Variants in LRP8 observed in about 807,000 individuals in gnomAD.
LRP8 encodes LDL receptor related protein 8.
Under a neutral mutation model 111.6 loss-of-function variants are expected in LRP8, and 46 were observed. That is an observed-to-expected ratio of 0.41 (90% CI 0.33 to 0.53). The LOEUF (loss-of-function observed/expected upper bound fraction) is 0.53, where lower values mean the gene tolerates loss of function less well. Among genes scored for constraint, LRP8 ranks in the 20% least tolerant of loss-of-function variants. The pLI, the probability that LRP8 is intolerant of heterozygous loss-of-function variation, is 0.20. For synonymous variants in LRP8, 464 were observed against 511.2 expected, an observed-to-expected ratio of 0.91 and a Z score of 1.24; for missense variants, 959 against 1,297.4, an observed-to-expected ratio of 0.74 and a Z score of 4.01.
intron 2 of LRP8, among the ~76,000 whole-genome samples, chr1:53,316,351 G>A (rs1653796074): frequency 6.6e-6 from 1 of 152,182 alleles, no homozygotes; most frequent in African/African-American, 2.4e-5. Context: ...TGTTGCATAG[G>A]CAGCTGATGT....
chr1:53,316,569 C>T (rs1653835707), intron 2 of LRP8, among the ~76,000 whole-genome samples: 1 of 152,202 alleles, frequency 6.6e-6, no homozygotes, highest in Non-Finnish European at 1.5e-5. Flanking sequence ...CCTCAGAGAA[C>T]AGGGCCAGCT....
rs972817215 is a variant in LRP8, at chr1:53,294,314, G to C, written c.245-4625C>G. ...GACTAGGGGATTCTAGGGGCAGTGA[G>C]GAGGGGCTGACCCCAGGGTAGAGTA... On this transcript the variant is annotated intron_variant, in intron 2 of 18. Coordinates refer to ENST00000306052, the MANE Select transcript of LRP8 (RefSeq NM_004631.5). The surrounding 1 kb of genome is among the most constrained non-coding windows in gnomAD (Gnocchi z 4.1). Among the ~76,000 whole-genome samples the C allele has an allele frequency of 5.3e-5, 8 of 152,364 alleles. No homozygotes were observed. In the East Asian group the frequency reaches 1.5e-3, roughly 29 times the overall value.
At chr1:53,283,146 C>G (rs1423875837) in intron 3 of LRP8, among the ~76,000 whole-genome samples, 7 of 152,124 alleles carry the variant, frequency 4.6e-5, no homozygotes, top group African/African-American at 1.4e-4. Context: ...CATAACAGTA[C>G]AGCTCTCTTT....
intron 2 of LRP8, among the ~76,000 whole-genome samples, chr1:53,308,834 C>A (rs1475918165): frequency 6.6e-6 from 1 of 152,218 alleles, no homozygotes; most frequent in South Asian, 2.1e-4. Context: ...CTGGCTAACA[C>A]GTGGACCTTG....
rs1356455036 is a variant in LRP8, at chr1:53,294,248, T to C, written c.245-4559A>G. 6.6e-6 allele frequency among the ~76,000 whole-genome samples: 1 copy of C among 152,110 alleles called. No individual in the cohort carries two copies. The highest frequency in any genetic ancestry group is 1.5e-5 in the Non-Finnish European group (1 of 68,026). ...ACATAGTCAACCAGGGTCTGCGACA[T>C]CATAATCTGGTGCCATGGCAACAGA... On this transcript the variant is annotated intron_variant, in intron 2 of 18. Transcript: ENST00000306052. This position sits in a 1 kb window ranked among gnomAD's most constrained non-coding sequence, Gnocchi z 4.1.
At chr1:53,274,823 G>T (rs772737990) in intron 6 of LRP8, 3 of 456,212 alleles carry the variant, frequency 6.6e-6, no homozygotes, top group Non-Finnish European at 1.3e-5. Context: ...GGGTGACTCT[G>T]TTGGGCCGGA....
rs1434255377 is a variant in LRP8, at chr1:53,327,817, T to C, written c.96A>G (p.Ala32=). 6.0e-6 allele frequency: 9 copies of C among 1,510,974 alleles called. No individual in the cohort carries two copies. Among genetic ancestry groups the C allele is most frequent in the Non-Finnish European group, 7.9e-6 (9 of 1,135,610 alleles). The allele number at this position is 1,510,974 out of a possible 1,614,324, so 93.6% of individuals were successfully genotyped here. Reference sequence around the variant, plus strand: ...GGCCGCCGAGCAGCGGATCAGCCGCTGCCGCCGCAAGATGCTGGAGCTGCA... The same window carrying C: ...GGCCGCCGAGCAGCGGATCAGCCGCCGCCGCCGCAAGATGCTGGAGCTGCA... ...LLLQLQHLAA[A]AADPLLGGQG... Residue 32 remains alanine, a synonymous_variant, in exon 1 of 19, where the codon GCA becomes GCG. Coordinates refer to ENST00000306052, the MANE Select transcript of LRP8 (RefSeq NM_004631.5).
In LRP8 at chr1:53,276,710, A is replaced by G; in HGVS notation, c.865T>C (p.Ser289Pro). ...CDGDRDCKDK[S>P]DEADCPLGTC... ...GGCTTACGGCAGTCGGCCTCGTCCGATTTGTCTTTGCAGTCGCGGTCGCCG... is the reference window on the plus strand; with the variant it reads ...GGCTTACGGCAGTCGGCCTCGTCCGGTTTGTCTTTGCAGTCGCGGTCGCCG... The change falls in exon 5 of 19, where the codon TCG becomes CCG. Residue 289 changes from serine to proline, a missense_variant. Physicochemically the swap from Ser to Pro is moderately conservative, Grantham distance 74. Coordinates refer to ENST00000306052, the MANE Select transcript of LRP8 (RefSeq NM_004631.5). 6.5e-7 allele frequency: 1 copy of G among 1,538,686 alleles called. No homozygotes were observed. The highest frequency in any genetic ancestry group is 2.5e-5 in the East Asian group (1 of 39,618).
chr1:53,270,073 G>A (rs1646714128), intron 8 of LRP8, among the ~76,000 whole-genome samples: 2 of 152,208 alleles, frequency 1.3e-5, no homozygotes, highest in Non-Finnish European at 2.9e-5. Context: ...GCTCTATACA[G>A]TGTCTGTGTG....
intron 2 of LRP8, among the ~76,000 whole-genome samples, chr1:53,323,090 G>A (rs1654722664): frequency 6.6e-6 from 1 of 152,184 alleles, no homozygotes; most frequent in Non-Finnish European, 1.5e-5. Context: ...AGGAAGCGAG[G>A]TGGAGTAGCC....
intron 2 of LRP8, among the ~76,000 whole-genome samples, chr1:53,312,761 G>T (rs767680743): frequency 6.6e-6 from 1 of 152,140 alleles, no homozygotes; most frequent in Admixed American, 6.5e-5. Context: ...CCAGGGCTTG[G>T]GGGCTCAGCT....
chr1:53,262,114 G>T lies in LRP8; in HGVS notation c.1868C>A (p.Ser623Tyr). 6.2e-7 allele frequency: 1 copy of T among 1,614,180 alleles called. No individual in the cohort carries two copies. The highest frequency in any genetic ancestry group is 1.1e-5 in the South Asian group (1 of 91,080). The change falls in exon 12 of 19, where the codon TCC becomes TAC. Residue 623 changes from serine (S) to tyrosine (Y), a missense_variant. Ser to Tyr is a moderately radical substitution (Grantham distance 144). Around this residue, in one of 3 missense-constraint regions of LRP8, gnomAD observed 819 missense variants for 1,097.6 expected, o/e 0.75. Coordinates refer to ENST00000306052, the MANE Select transcript of LRP8 (RefSeq NM_004631.5). This position sits in a 1 kb window ranked among gnomAD's most constrained non-coding sequence, Gnocchi z 4.8. The stretch of plus-strand genomic sequence containing the variant: ...AGGGTGGCTCAGGAAGTCAGTGGAG[G>T]AGATCAGCGTCTTTCTGTTGCCTCC... ...FSGGNRKTLISSTDFLSHPFG... is the reference protein window; with the variant it reads ...FSGGNRKTLIYSTDFLSHPFG...
In LRP8 at chr1:53,314,517, C is replaced by T. The variant is rs142004837; in HGVS notation, c.244+12356G>A. 2.8e-3 allele frequency among the ~76,000 whole-genome samples: 421 copies of T among 152,276 alleles called. 6 individuals are homozygous for T. The highest frequency in any genetic ancestry group is 9.5e-3 in the African/African-American group (394 of 41,546). ...AGGAAGGGACATGGGGCAGGCTTGCCGTGAAGGTGGGGGCAGACTCTGTAA... is the reference window on the plus strand; with the variant it reads ...AGGAAGGGACATGGGGCAGGCTTGCTGTGAAGGTGGGGGCAGACTCTGTAA... On this transcript the variant is annotated intron_variant, in intron 2 of 18. Coordinates refer to ENST00000306052, the MANE Select transcript of LRP8 (RefSeq NM_004631.5).
rs2100319783 is a variant in LRP8 at position 53,242,605 on chromosome 1, A to G, written c.*4413T>C. On this transcript the variant is annotated 3_prime_UTR_variant, in exon 19 of 19. Transcript: ENST00000306052. ...TCAGTTAGTGTGACACAACATTCTA[A>G]CATGCCTGATTCTTACATCAAATAT... The G allele has an allele frequency of 6.6e-6, 1 of 152,300 alleles. No individual in the cohort carries two copies. The highest frequency in any genetic ancestry group is 2.1e-4 in the South Asian group (1 of 4,824). 9.4% of individuals were successfully genotyped at this position (152,300 alleles called of 1,614,324 possible). A position where few individuals can be genotyped will look rare whatever the true frequency, so the allele number is the denominator to read the frequency against.
intron 2 of LRP8, among the ~76,000 whole-genome samples, chr1:53,296,516 C>T (rs1054915772): frequency 2.0e-5 from 3 of 152,200 alleles, no homozygotes; most frequent in East Asian, 3.9e-4. Context: ...AGTTACCCTT[C>T]GACAGAGCTC....
chr1:53,257,181 TC>T, intron 15 of LRP8, 58 bp downstream of exon 15: 1 of 1,530,250 alleles, frequency 6.5e-7, no homozygotes, highest in South Asian at 1.1e-5. Flanking sequence ...CATACCCCCT[TC>T]CTGGCTTCCC....
In LRP8 at chr1:53,244,317, G is replaced by T. The variant is rs1399834181; in HGVS notation, c.*2701C>A. 1 of 152,206 alleles carries T rather than the reference G, an allele frequency of 6.6e-6. No homozygotes were observed. The highest frequency in any genetic ancestry group is 1.5e-5 in the Non-Finnish European group (1 of 68,054). 9.4% of individuals were successfully genotyped at this position (152,206 alleles called of 1,614,324 possible). ...GGGACTGGCTTCTGATAAATTTTCT[G>T]CCCCCTTGGCATTGTCTCTGAGCTT... is the stretch of plus-strand genomic sequence containing the variant. On this transcript the variant is annotated 3_prime_UTR_variant, in exon 19 of 19. Coordinates refer to ENST00000306052, the MANE Select transcript of LRP8 (RefSeq NM_004631.5).
At chr1:53,270,941 A>G (rs7542607) in intron 8 of LRP8, 87 bp downstream of exon 8, 628,109 of 1,590,326 alleles carry the variant, frequency 0.39, 129,776 homozygotes, top group East Asian at 0.64. Flanking sequence ...GTGTGCGCAC[A>G]TGTACACGCC....
chr1:53,259,203 C>T (rs1331597072), intron 13 of LRP8, among the ~76,000 whole-genome samples: 1 of 152,202 alleles, frequency 6.6e-6, no homozygotes, highest in African/African-American at 2.4e-5. Context: ...CCTCAAACTC[C>T]TGGGCTTAAG....
Sources: gnomAD v4.1 joint callset for allele counts (sites outside exome capture counted in the v4.1 genomes callset) on GRCh38, gnomAD v4.1.1 for gene constraint, gnomAD v4.1.1 regional missense constraint, Gnocchi (gnomAD v3.1) non-coding constraint, MANE v1.5 for transcripts, NCBI Gene and HGNC (gene_info 2026-07-23, HGNC 2026-07-21) for gene names.